The following GRM5 variants were observed in gnomAD, a reference collection of about 807,000 sequenced individuals.
GRM5 encodes the protein metabotropic glutamate receptor 5.
GRM5 carries 19 observed loss-of-function variants against 83.1 expected under a neutral mutation model. The ratio of observed to expected loss-of-function variants is 0.23; its 90% CI spans 0.16 to 0.34. The LOEUF is 0.34. GRM5 is among the 10% of genes least tolerant of loss of function. GRM5 has a pLI of 1.00. For synonymous variants in GRM5, 675 were observed against 633.6 expected (o/e 1.07, Z -0.98); for missense variants, 1,160 against 1,588.3 (o/e 0.73, Z 4.58).
intron 3 of GRM5, among the ~76,000 whole-genome samples, chr11:88,690,222 C>CT (rs35313037): frequency 0.15 from 22,076 of 152,068 alleles, 2,007 homozygotes; most frequent in Middle Eastern, 0.21. Flanking sequence ...ATTAAATCAA[C>CT]TTTTTTTATT....
intron 3 of GRM5, among the ~76,000 whole-genome samples, chr11:88,793,778 G>T (rs1943222695): frequency 6.6e-6 from 1 of 152,136 alleles, no homozygotes; most frequent in Admixed American, 6.6e-5. Context: ...AAGAAGCAGG[G>T]ATAGGTTGGG....
At chr11:88,706,679 T>C (rs1335355521) in intron 3 of GRM5, among the ~76,000 whole-genome samples, 1 of 152,068 alleles carries the variant, frequency 6.6e-6, no homozygotes, top group Non-Finnish European at 1.5e-5. Context: ...ATCTACCAAA[T>C]CCTCCCAGAA....
intron 2 of GRM5, among the ~76,000 whole-genome samples, chr11:88,987,438 C>T (rs1301741542): frequency 6.6e-6 from 1 of 151,918 alleles, no homozygotes; most frequent in South Asian, 2.1e-4. Flanking sequence ...GGGGGAGGGG[C>T]GCCCGCCATT....
At chr11:89,025,722 A>G (rs1182774759) in intron 2 of GRM5, among the ~76,000 whole-genome samples, 1 of 152,192 alleles carries the variant, frequency 6.6e-6, no homozygotes, top group African/African-American at 2.4e-5. Context: ...AAAAAAGAAT[A>G]CATTGCTGGT....
At chr11:88,748,552 G>T (rs72968466) in intron 3 of GRM5, among the ~76,000 whole-genome samples, 13,090 of 152,080 alleles carry the variant, frequency 0.086, 640 homozygotes, top group African/African-American at 0.14. Context: ...GGATGAGAAA[G>T]GGTTCACCGC....
At chr11:88,981,605 C>T (rs1486241427) in intron 2 of GRM5, among the ~76,000 whole-genome samples, 2 of 151,784 alleles carry the variant, frequency 1.3e-5, no homozygotes, top group African/African-American at 2.4e-5. Flanking sequence ...ATAGTATACA[C>T]AAAAAAAATT....
chr11:89,011,380 C>A (rs1940694159), intron 2 of GRM5, among the ~76,000 whole-genome samples: 1 of 152,050 alleles, frequency 6.6e-6, no homozygotes. Flanking sequence ...AATGTTCAGG[C>A]TAAAACAGTT....
intron 2 of GRM5, among the ~76,000 whole-genome samples, chr11:88,990,027 G>A (rs1939905101): frequency 6.6e-6 from 1 of 151,732 alleles, no homozygotes. Flanking sequence ...AGAACTGAAG[G>A]AAGTAGAGAC....
At chr11:88,985,341 G>A (rs1360240535) in intron 2 of GRM5, among the ~76,000 whole-genome samples, 2 of 151,990 alleles carry the variant, frequency 1.3e-5, no homozygotes, top group African/African-American at 4.8e-5. Flanking sequence ...ACAATTAAGA[G>A]AATGGAAAAA....
intron 2 of GRM5, among the ~76,000 whole-genome samples, chr11:88,941,423 A>T (rs1226143694): frequency 4.8e-5 from 7 of 144,518 alleles, no homozygotes; most frequent in Non-Finnish European, 1.1e-4. Flanking sequence ...GGAGAAGAGG[A>T]GAAGAGACGA....
At chr11:88,606,181 A>G (rs1369697684) in intron 4 of GRM5, among the ~76,000 whole-genome samples, 5 of 152,188 alleles carry the variant, frequency 3.3e-5, no homozygotes, top group Admixed American at 2.6e-4. Flanking sequence ...GAGAAAAGAG[A>G]GAGCTGAAAT....
chr11:88,765,408 A>C (rs946682508), intron 3 of GRM5, among the ~76,000 whole-genome samples: 1 of 151,242 alleles, frequency 6.6e-6, no homozygotes, highest in African/African-American at 2.4e-5. Flanking sequence ...AAAAAAAAAA[A>C]AAAAAAACAA....
intron 7 of GRM5, among the ~76,000 whole-genome samples, chr11:88,589,440 C>T (rs958263070): frequency 2.0e-5 from 3 of 152,082 alleles, no homozygotes; most frequent in African/African-American, 7.2e-5. Flanking sequence ...GAAAAGTCTC[C>T]TGTATACATA....
chr11:89,002,491 C>T (rs1181732721), intron 2 of GRM5, among the ~76,000 whole-genome samples: 1 of 152,092 alleles, frequency 6.6e-6, no homozygotes, highest in East Asian at 1.9e-4. Context: ...AGACAAGCCT[C>T]TTTTGTAATG....
At chr11:88,513,500 C>T (rs990232929) in intron 9 of GRM5, among the ~76,000 whole-genome samples, 2 of 152,070 alleles carry the variant, frequency 1.3e-5, no homozygotes, top group African/African-American at 4.8e-5. Context: ...TACTCAATGT[C>T]TACATATTTA....
chr11:88,768,117 G>C (rs1241269049), intron 3 of GRM5, among the ~76,000 whole-genome samples: 2 of 151,866 alleles, frequency 1.3e-5, no homozygotes, highest in Admixed American at 1.3e-4. Context: ...TTGAAAACAA[G>C]GTATCAAAGA....
chr11:88,509,151 T>C lies in GRM5; in HGVS notation c.3080A>G (p.His1027Arg), dbSNP rs1941280082. ...RSPSPISTLS[H>R]RAGSASRTDD... Reference sequence around the variant, plus strand: ...CGTGCGGCTGGCCGAGCCCGCGCGGTGGCTCAGCGTGCTGATGGGCGACGG... The same window carrying C: ...CGTGCGGCTGGCCGAGCCCGCGCGGCGGCTCAGCGTGCTGATGGGCGACGG... The change falls in exon 10 of 10, where the codon CAC becomes CGC. Residue 1027 changes from histidine (H) to arginine (R), a missense_variant. Physicochemically the swap from His to Arg is conservative, Grantham distance 29. Coordinates refer to ENST00000305447, the MANE Select transcript of GRM5 (RefSeq NM_001143831.3). The C allele has an allele frequency of 6.5e-7, 1 of 1,539,080 alleles. No homozygotes were observed. The highest frequency in any genetic ancestry group is 2.5e-5 in the East Asian group (1 of 40,388).
chr11:88,898,496 C>T (rs1945268610), intron 2 of GRM5, among the ~76,000 whole-genome samples: 1 of 151,892 alleles, frequency 6.6e-6, no homozygotes, highest in Admixed American at 6.6e-5. Flanking sequence ...TACTGACTGT[C>T]TGTAGCATTA....
intron 3 of GRM5, among the ~76,000 whole-genome samples, chr11:88,653,924 G>A (rs997995474): frequency 6.6e-5 from 10 of 151,908 alleles, no homozygotes; most frequent in Non-Finnish European, 8.8e-5. Context: ...TTAAAAAACC[G>A]TTTGCCGATT....
Sources: gnomAD v4.1 joint callset for allele counts (sites outside exome capture counted in the v4.1 genomes callset) on GRCh38, gnomAD v4.1.1 for gene constraint, MANE v1.5 for transcripts, NCBI Gene and HGNC (gene_info 2026-07-23, HGNC 2026-07-21) for gene names.